Variants in XIRP2 observed in about 807,000 individuals in gnomAD.
The protein encoded by XIRP2 is xin actin-binding repeat-containing protein 2.
A neutral mutation model predicts 277.0 loss-of-function variants in XIRP2; 236 were observed. The observed-to-expected ratio is 0.85, with a 90% CI of 0.77 to 0.95. XIRP2 has a LOEUF of 0.95. Ranked by LOEUF, XIRP2 falls within the 40% of genes least tolerant of loss-of-function variation. The pLI is 0.00. For missense variants in XIRP2, 4,640 were observed against 4,157.5 expected, an observed-to-expected ratio of 1.12 and a Z score of -3.19; for synonymous variants, 1,490 against 1,416.5, an observed-to-expected ratio of 1.05 and a Z score of -1.17.
chr2:166,927,912 T>G (rs1193508960), intron 2 of XIRP2, among the ~76,000 whole-genome samples: 7 of 152,128 alleles, frequency 4.6e-5, no homozygotes, highest in Admixed American at 4.6e-4. Flanking sequence ...AGTTGGCCCA[T>G]AGCGTTCATC....
intron 2 of XIRP2, among the ~76,000 whole-genome samples, chr2:167,129,407 G>A (rs1026576434): frequency 6.6e-6 from 1 of 152,062 alleles, no homozygotes; most frequent in African/African-American, 2.4e-5. Flanking sequence ...AGGGCAACCT[G>A]CTTTCTTTTC....
rs765041006 is a variant in XIRP2, at chr2:167,201,141, A to AGAGG, written c.563-9583_563-9580dup. Among the ~76,000 whole-genome samples, 40 of 149,944 alleles carry AGAGG rather than the reference A, an allele frequency of 2.7e-4. No homozygotes were observed. The East Asian group carries it at 6.2e-3, about 23-fold the overall frequency. On this transcript the variant is annotated intron_variant, in intron 3 of 10. Transcript: ENST00000409195. ...GCTTTGTCAAGAAAGAGAGAGAGAG[A>AGAGG]GAGGGAGGGAGGGAAAGAGAGAGAG...
At chr2:167,033,268 C>T (rs1307708882) in intron 2 of XIRP2, among the ~76,000 whole-genome samples, 1 of 151,878 alleles carries the variant, frequency 6.6e-6, no homozygotes, top group Non-Finnish European at 1.5e-5. Flanking sequence ...TGGAGGGGGA[C>T]ATCACACACT....
At chr2:167,053,960 G>C (rs372395833) in intron 2 of XIRP2, among the ~76,000 whole-genome samples, 1 of 152,126 alleles carries the variant, frequency 6.6e-6, no homozygotes, top group Non-Finnish European at 1.5e-5. Context: ...TCAGTGAAAC[G>C]ATCTGTATTA....
chr2:167,017,652 C>G (rs565929086), intron 2 of XIRP2, among the ~76,000 whole-genome samples: 4 of 152,026 alleles, frequency 2.6e-5, no homozygotes, highest in African/African-American at 7.2e-5. Flanking sequence ...GATGCCATTC[C>G]TGCTTCCACC....
chr2:167,233,899 G>A (rs1301933122), intron 5 of XIRP2, among the ~76,000 whole-genome samples: 20 of 151,460 alleles, frequency 1.3e-4, no homozygotes, highest in Non-Finnish European at 3.0e-4. Context: ...CTTCTGAAAT[G>A]CATTCTTTAT....
chr2:166,970,001 G>A (rs1044603020), intron 2 of XIRP2, among the ~76,000 whole-genome samples: 1 of 151,796 alleles, frequency 6.6e-6, no homozygotes, highest in Non-Finnish European at 1.5e-5. Context: ...TTTGCTTTTC[G>A]CTTTCAGGTC....
chr2:166,890,260 TG>T (rs1344667535), intron 1 of XIRP2, among the ~76,000 whole-genome samples: 1 of 152,106 alleles, frequency 6.6e-6, no homozygotes, highest in Non-Finnish European at 1.5e-5. Context: ...CCCAAACTGC[TG>T]GGATTACAGG....
Position 167,243,010 on chromosome 2 carries a change from C to T in XIRP2, c.1618C>T (p.Gln540Ter), listed in dbSNP as rs1205161524. Reference sequence around the variant, plus strand: ...AGGGAGTTCAGTCTCAGCAGATGTGCAACAAGCCCGGTATGTTTTTGAAAA... The same window carrying T: ...AGGGAGTTCAGTCTCAGCAGATGTGTAACAAGCCCGGTATGTTTTTGAAAA... ...NSGSSVSADV[Q>*]QARYVFENTN... The change falls in exon 9 of 11, where the codon CAA (glutamine) becomes TAA (stop). Residue 540 changes from glutamine to a stop codon, truncating the protein, a stop_gained. Transcript: ENST00000409195. LOFTEE classifies it high-confidence loss of function. 1 of 1,613,882 alleles carries T rather than the reference C, an allele frequency of 6.2e-7. No homozygotes were observed. The highest frequency in any genetic ancestry group is 2.2e-5 in the East Asian group (1 of 44,862).
chr2:166,971,448 C>G (rs1686576259), intron 2 of XIRP2, among the ~76,000 whole-genome samples: 1 of 151,920 alleles, frequency 6.6e-6, no homozygotes, highest in African/African-American at 2.4e-5. Flanking sequence ...TTTTAAAGCT[C>G]AAATATTTTG....
chr2:167,171,527 A>C (rs1442450403), intron 3 of XIRP2, among the ~76,000 whole-genome samples: 1 of 152,200 alleles, frequency 6.6e-6, no homozygotes, highest in East Asian at 1.9e-4. Context: ...CTTGAGAAGA[A>C]TATGCATTCT....
At chr2:167,169,978 C>T (rs919914857) in intron 3 of XIRP2, among the ~76,000 whole-genome samples, 33 of 152,222 alleles carry the variant, frequency 2.2e-4, no homozygotes, top group Admixed American at 2.2e-3. Context: ...GAGTAGACAT[C>T]ATCATCTCAT....
Position 167,246,973 on chromosome 2 carries a change from G to A in XIRP2, c.5581G>A (p.Glu1861Lys). The A allele has an allele frequency of 1.9e-6, 3 of 1,613,540 alleles. No individual in the cohort carries two copies. The highest frequency in any genetic ancestry group is 1.6e-4 in the Middle Eastern group (1 of 6,062). The change falls in exon 9 of 11, where the codon GAA becomes AAA. Residue 1861 changes from glutamate to lysine, a missense_variant. Glu to Lys is a moderately conservative substitution (Grantham distance 56). Transcript: ENST00000409195. Reference sequence around the variant, plus strand: ...AAATCAGAAAACAGTGACGAAAACAGAAGAAATTATAAAAGGTAACATGCT... The same window carrying A: ...AAATCAGAAAACAGTGACGAAAACAAAAGAAATTATAAAAGGTAACATGCT... ...AVNQKTVTKT[E>K]EIIKGNMLAT...
chr2:167,223,896 A>G (rs533971550), intron 5 of XIRP2, among the ~76,000 whole-genome samples: 3 of 152,322 alleles, frequency 2.0e-5, no homozygotes, highest in African/African-American at 7.2e-5. Flanking sequence ...AGTCAGAGAG[A>G]CTGTGTTATA....
Position 166,936,917 on chromosome 2 carries a change from G to A in XIRP2, c.408+33027G>A, listed in dbSNP as rs573298701. 4.7e-4 allele frequency among the ~76,000 whole-genome samples: 72 copies of A among 152,218 alleles called. 1 individual carries two copies. The highest frequency in any genetic ancestry group is 1.6e-3 in the African/African-American group (65 of 41,546). ...GTGGGCCCTTTTTTGGTTCCATATG[G>A]ACTTTAAAGTAGTTTTTTCCAATTC... is the stretch of plus-strand genomic sequence containing the variant. On this transcript the variant is annotated intron_variant, in intron 2 of 10. Coordinates refer to ENST00000409195, the MANE Select transcript of XIRP2 (RefSeq NM_152381.6).
chr2:166,912,755 T>C (rs1038706996), intron 2 of XIRP2, among the ~76,000 whole-genome samples: 1 of 152,208 alleles, frequency 6.6e-6, no homozygotes, highest in African/African-American at 2.4e-5. Context: ...ATTTGGTCTT[T>C]GATGATGGTG....
chr2:166,977,180 T>C (rs1686737748), intron 2 of XIRP2, among the ~76,000 whole-genome samples: 1 of 152,206 alleles, frequency 6.6e-6, no homozygotes, highest in Non-Finnish European at 1.5e-5. Flanking sequence ...GGCCATGATG[T>C]ACTTAGCTGT....
chr2:167,147,643 A>C (rs1691898018), intron 3 of XIRP2, among the ~76,000 whole-genome samples: 1 of 152,210 alleles, frequency 6.6e-6, no homozygotes, highest in South Asian at 2.1e-4. Context: ...TGAGAGAATT[A>C]AAGTAGAACC....
At chr2:167,024,643 A>G (rs1057119541) in intron 2 of XIRP2, among the ~76,000 whole-genome samples, 3 of 152,140 alleles carry the variant, frequency 2.0e-5, no homozygotes. Context: ...TACCTAATGT[A>G]TTGAGAGTTT....
Sources: allele counts gnomAD v4.1 joint callset (sites outside exome capture counted in the v4.1 genomes callset), GRCh38; gene constraint gnomAD v4.1.1; transcripts MANE v1.5; gene names NCBI Gene and HGNC (gene_info 2026-07-23, HGNC 2026-07-21).